The following IGF1R variants were observed in gnomAD, a reference collection of about 807,000 sequenced individuals.
IGF1R encodes insulin like growth factor 1 receptor, also known as insulin-like growth factor 1 receptor.
IGF1R carries 44 observed loss-of-function variants against 144.6 expected under a neutral mutation model. That is an observed-to-expected ratio of 0.30 (90% CI 0.24 to 0.39). The LOEUF (loss-of-function observed/expected upper bound fraction) is 0.39, where lower values mean the gene tolerates loss of function less well. Ranked by LOEUF, IGF1R falls within the 10% of genes least tolerant of loss-of-function variation. IGF1R has a pLI of 1.00. For synonymous variants in IGF1R, 795 were observed against 722.8 expected (o/e 1.10, Z -1.60); for missense variants, 1,355 against 1,833.7 (o/e 0.74, Z 4.77).
intron 2 of IGF1R, among the ~76,000 whole-genome samples, chr15:98,865,067 T>TATCA: frequency 6.6e-6 from 1 of 152,320 alleles, no homozygotes; most frequent in East Asian, 1.9e-4. Context: ...GTAGGCTAGG[T>TATCA]ATCAGATCAC....
rs2053819003 is a variant in IGF1R, at chr15:98,704,685, A to G, written c.95-2877A>G. ...GCACTGGTGATATAATTGTGAACCA[A>G]CTGGAGCTGCGGTGAGAGAGACCAT... is the stretch of plus-strand genomic sequence containing the variant. On this transcript the variant is annotated intron_variant, in intron 1 of 20. Coordinates refer to ENST00000650285, the MANE Select transcript of IGF1R (RefSeq NM_000875.5). The surrounding 1 kb of genome is among the most constrained non-coding windows in gnomAD (Gnocchi z 4.9). Among the ~76,000 whole-genome samples, 1 of 152,182 alleles carries G rather than the reference A, an allele frequency of 6.6e-6. No individual in the cohort carries two copies. The highest frequency in any genetic ancestry group is 1.5e-5 in the Non-Finnish European group (1 of 68,026).
At chr15:98,852,038 G>A (rs1158493477) in intron 2 of IGF1R, among the ~76,000 whole-genome samples, 6 of 152,356 alleles carry the variant, frequency 3.9e-5, no homozygotes, top group African/African-American at 1.4e-4. Flanking sequence ...AATCTTAAAA[G>A]GTGGAGGGTT....
chr15:98,929,598 C>G lies in IGF1R; in HGVS notation c.2823C>G (p.Pro941=), dbSNP rs574580031. ...TCATCCATCTGATCATCGCTCTGCC[C>G]GTCGCTGTCCTGTTGATCGTGGGAG... ...ENFIHLIIAL[P]VAVLLIVGGL... is the part of the protein sequence containing the mutation. Residue 941 remains proline, a synonymous_variant, in exon 14 of 21, where the codon CCC becomes CCG. Coordinates refer to ENST00000650285, the MANE Select transcript of IGF1R (RefSeq NM_000875.5). 1.9e-6 allele frequency: 3 copies of G among 1,614,092 alleles called. No individual in the cohort carries two copies. The highest frequency in any genetic ancestry group is 8.5e-7 in the Non-Finnish European group (1 of 1,179,982).
At chr15:98,797,921 A>T (rs1345185221) in intron 2 of IGF1R, among the ~76,000 whole-genome samples, 2 of 152,262 alleles carry the variant, frequency 1.3e-5, no homozygotes, top group East Asian at 3.8e-4. Context: ...TTGGATTCTC[A>T]TAGAAGGCCT....
At chr15:98,757,827 C>A (rs2055193200) in intron 2 of IGF1R, among the ~76,000 whole-genome samples, 1 of 152,154 alleles carries the variant, frequency 6.6e-6, no homozygotes, top group Non-Finnish European at 1.5e-5. Flanking sequence ...TTATTGCTTT[C>A]ATCTTATTCA....
At position 98,862,979 on chromosome 15, in the gene IGF1R, C is replaced by T. The variant is rs1333900860; in HGVS notation, c.641-28346C>T. ...GTGCTGTTAATCTCCAGACTGAATT[C>T]GGATTTCACTATTTTCCCACTGATG... On this transcript the variant is annotated intron_variant, in intron 2 of 20. Coordinates refer to ENST00000650285, the MANE Select transcript of IGF1R (RefSeq NM_000875.5). 3.9e-5 allele frequency among the ~76,000 whole-genome samples: 6 copies of T among 152,288 alleles called. No homozygotes were observed. In the South Asian group the frequency reaches 1.2e-3, roughly 32 times the overall value.
At chr15:98,910,689 C>G (rs769759727) in intron 6 of IGF1R, among the ~76,000 whole-genome samples, 1 of 152,214 alleles carries the variant, frequency 6.6e-6, no homozygotes, top group South Asian at 2.1e-4. Flanking sequence ...CCATAGAGCA[C>G]GTTAGGCTTG....
chr15:98,890,148 C>A (rs1208759864), intron 2 of IGF1R, among the ~76,000 whole-genome samples: 1 of 152,200 alleles, frequency 6.6e-6, no homozygotes, highest in African/African-American at 2.4e-5. Context: ...CTCGGAGATG[C>A]TACTCACCCA....
chr15:98,920,469 A>T (rs2015437130), intron 10 of IGF1R, among the ~76,000 whole-genome samples: 1 of 152,256 alleles, frequency 6.6e-6, no homozygotes, highest in Non-Finnish European at 1.5e-5. Flanking sequence ...TTTGCGGTAC[A>T]TCAAACCTAA....
intron 4 of IGF1R, 59 bp downstream of exon 4, chr15:98,896,964 CT>C: frequency 6.5e-7 from 1 of 1,542,856 alleles, no homozygotes; most frequent in Non-Finnish European, 8.9e-7. Context: ...TTTGTTGATG[CT>C]TTTCATGCTC....
At chr15:98,913,401 A>T (rs1277348387) in intron 8 of IGF1R, 119 bp downstream of exon 8, 1 of 823,696 alleles carries the variant, frequency 1.2e-6, no homozygotes, top group Non-Finnish European at 2.1e-6. Flanking sequence ...TTTCTTGTCA[A>T]TAGGTAATAC....
intron 2 of IGF1R, among the ~76,000 whole-genome samples, chr15:98,870,317 A>G (rs1229154142): frequency 1.3e-5 from 2 of 152,244 alleles, no homozygotes; most frequent in African/African-American, 4.8e-5. Flanking sequence ...GATTGTAAAC[A>G]CGATCAGTGC....
intron 2 of IGF1R, among the ~76,000 whole-genome samples, chr15:98,810,593 G>A (rs533760632): frequency 6.7e-6 from 1 of 148,682 alleles, no homozygotes; most frequent in South Asian, 2.1e-4. Context: ...CTGTAGCCCA[G>A]GCTGGAGTGC....
intron 1 of IGF1R, among the ~76,000 whole-genome samples, chr15:98,680,193 T>A (rs544449086): frequency 6.6e-6 from 1 of 152,030 alleles, no homozygotes. Context: ...CACTCACCAC[T>A]CACTGACTCA....
At chr15:98,789,048 G>A (rs1487998684) in intron 2 of IGF1R, among the ~76,000 whole-genome samples, 3 of 152,198 alleles carry the variant, frequency 2.0e-5, no homozygotes, top group Middle Eastern at 3.4e-3. Context: ...CTACAAAAAA[G>A]CACACGTAGG....
chr15:98,656,277 C>T (rs2052482310), intron 1 of IGF1R, among the ~76,000 whole-genome samples: 1 of 152,216 alleles, frequency 6.6e-6, no homozygotes, highest in African/African-American at 2.4e-5. Flanking sequence ...TGGCTGGGCA[C>T]AGCGGCTCCT....
At chr15:98,767,127 T>A (rs2055455094) in intron 2 of IGF1R, among the ~76,000 whole-genome samples, 1 of 152,234 alleles carries the variant, frequency 6.6e-6, no homozygotes. Flanking sequence ...CCATCTGTAT[T>A]TCTTTTTGTT....
At chr15:98,657,304 G>A (rs948901922) in intron 1 of IGF1R, among the ~76,000 whole-genome samples, 1 of 152,226 alleles carries the variant, frequency 6.6e-6, no homozygotes, top group Non-Finnish European at 1.5e-5. Context: ...AAAGTAGGAA[G>A]CATGGAGAGA....
intron 12 of IGF1R, 121 bp downstream of exon 12, chr15:98,924,133 A>G (rs1426843361): frequency 1.9e-6 from 2 of 1,032,908 alleles, no homozygotes; most frequent in Admixed American, 1.7e-5. Flanking sequence ...ATCCATGCCA[A>G]GTTGGTGAGG....
Sources: gnomAD v4.1 joint callset for allele counts (sites outside exome capture counted in the v4.1 genomes callset) on GRCh38, gnomAD v4.1.1 for gene constraint, Gnocchi (gnomAD v3.1) non-coding constraint, MANE v1.5 for transcripts, NCBI Gene and HGNC (gene_info 2026-07-23, HGNC 2026-07-21) for gene names.